The following HS3ST5 variants were observed in gnomAD, a reference collection of about 807,000 sequenced individuals.
HS3ST5 encodes the protein heparan sulfate glucosamine 3-O-sulfotransferase 5.
In HS3ST5, 10 loss-of-function variants were observed where a neutral mutation model predicts 25.4. The observed-to-expected ratio is 0.39, with a 90% confidence interval of 0.24 to 0.67. HS3ST5 has a LOEUF of 0.67. HS3ST5 is among the 30% of genes least tolerant of loss of function. HS3ST5 has a pLI of 0.44. For synonymous variants in HS3ST5, 170 were observed against 162.4 expected, an observed-to-expected ratio of 1.05 and a Z score of -0.36; for missense variants, 324 against 420.7, an observed-to-expected ratio of 0.77 and a Z score of 2.01.
chr6:114,309,736 T>C (rs1775452151), intron 1 of HS3ST5, among the ~76,000 whole-genome samples: 1 of 152,132 alleles, frequency 6.6e-6, no homozygotes, highest in Non-Finnish European at 1.5e-5. Context: ...CTGCTTTGTC[T>C]CAAAAACAAC....
At chr6:114,210,585 A>C (rs2114429791) in intron 2 of HS3ST5, among the ~76,000 whole-genome samples, 1 of 152,338 alleles carries the variant, frequency 6.6e-6, no homozygotes, top group African/African-American at 2.4e-5. Context: ...ATAGTCCATA[A>C]GAGCATGTAC....
At position 114,164,143 on chromosome 6, in the gene HS3ST5, AT is replaced by A. The variant is rs60677328; in HGVS notation, c.-33+4207del. On this transcript the variant is annotated intron_variant, in intron 3 of 4. Transcript: ENST00000312719. ...ATACTTTTAAAGTAAAATATGTAGG[AT>A]TTTTTTTGCTATTTCACTATCTTGC... 1.0e-2 allele frequency among the ~76,000 whole-genome samples: 364 copies of A among 36,574 alleles called. 4 individuals are homozygous for A. In the East Asian group the frequency reaches 0.11, roughly 11 times the overall value. 24.0% of individuals were successfully genotyped at this position (36,574 alleles called of 152,430 possible). A position where few individuals can be genotyped will look rare whatever the true frequency, so the allele number is the denominator to read the frequency against.
intron 1 of HS3ST5, among the ~76,000 whole-genome samples, chr6:114,265,580 G>T (rs1179333060): frequency 3.9e-5 from 6 of 152,142 alleles, no homozygotes; most frequent in African/African-American, 1.4e-4. Flanking sequence ...TGGGAAAACC[G>T]AAGGAGGCAA....
chr6:114,273,708 G>A (rs1434852753), intron 1 of HS3ST5, among the ~76,000 whole-genome samples: 1 of 151,972 alleles, frequency 6.6e-6, no homozygotes, highest in African/African-American at 2.4e-5. Context: ...ATGCCAATAG[G>A]TCAAATTGGA....
At chr6:114,192,698 A>G (rs9374441) in intron 2 of HS3ST5, among the ~76,000 whole-genome samples, 63,801 of 151,938 alleles carry the variant, frequency 0.42, 14,496 homozygotes, top group South Asian at 0.65. Flanking sequence ...TCAGAGGGAG[A>G]GCCACAGATT....
At chr6:114,179,658 T>G (rs1476287478) in intron 2 of HS3ST5, among the ~76,000 whole-genome samples, 1 of 149,294 alleles carries the variant, frequency 6.7e-6, no homozygotes, top group Non-Finnish European at 1.5e-5. Flanking sequence ...GTCAGGGTTT[T>G]TTTTTTTTTT....
At chr6:114,324,088 C>A (rs1334031214) in intron 1 of HS3ST5, among the ~76,000 whole-genome samples, 2 of 152,114 alleles carry the variant, frequency 1.3e-5, no homozygotes, top group African/African-American at 2.4e-5. Context: ...TACAACCTAA[C>A]AGAAAAACTG....
At chr6:114,305,553 G>A (rs1775253929) in intron 1 of HS3ST5, among the ~76,000 whole-genome samples, 1 of 151,086 alleles carries the variant, frequency 6.6e-6, no homozygotes, top group Non-Finnish European at 1.5e-5. Flanking sequence ...TTGTGCTTGG[G>A]TATGCAGTAA....
At chr6:114,195,432 TAA>T (rs1005121272) in intron 2 of HS3ST5, among the ~76,000 whole-genome samples, 1 of 151,856 alleles carries the variant, frequency 6.6e-6, no homozygotes, top group African/African-American at 2.4e-5. Flanking sequence ...TGTAAGCCAA[TAA>T]AGAGTGGTGA....
intron 1 of HS3ST5, among the ~76,000 whole-genome samples, chr6:114,333,257 T>C (rs1776476589): frequency 6.6e-6 from 1 of 152,192 alleles, no homozygotes; most frequent in African/African-American, 2.4e-5. Flanking sequence ...GATCTTGAGG[T>C]ACCTATGTTC....
At chr6:114,084,227 AC>A in intron 3 of HS3ST5, 2 of 1,097,622 alleles carry the variant, frequency 1.8e-6, no homozygotes, top group Non-Finnish European at 2.8e-6. Flanking sequence ...GGAGCTGCAG[AC>A]CAGTCTTCCG....
chr6:114,274,669 A>G (rs888673117), intron 1 of HS3ST5, among the ~76,000 whole-genome samples: 4 of 152,090 alleles, frequency 2.6e-5, no homozygotes, highest in Non-Finnish European at 4.4e-5. Flanking sequence ...TTAAGGATGC[A>G]GTACTTGAAA....
chr6:114,132,980 T>A (rs1777415943), intron 3 of HS3ST5, among the ~76,000 whole-genome samples: 1 of 152,156 alleles, frequency 6.6e-6, no homozygotes, highest in African/African-American at 2.4e-5. Flanking sequence ...GTCAACTTGA[T>A]CCCCAACCAA....
At chr6:114,129,982 G>GTAGTC (rs1431093513) in intron 3 of HS3ST5, among the ~76,000 whole-genome samples, 3 of 152,130 alleles carry the variant, frequency 2.0e-5, no homozygotes, top group African/African-American at 7.2e-5. Context: ...TAGAAATCAC[G>GTAGTC]TAGTCTACAC....
At chr6:114,255,493 G>A (rs555678947) in intron 1 of HS3ST5, among the ~76,000 whole-genome samples, 5 of 152,230 alleles carry the variant, frequency 3.3e-5, no homozygotes, top group African/African-American at 1.2e-4. Flanking sequence ...AGCTCCACTA[G>A]GCAGTGCCCC....
At chr6:114,226,753 T>C (rs185924276) in intron 2 of HS3ST5, among the ~76,000 whole-genome samples, 34 of 152,142 alleles carry the variant, frequency 2.2e-4, no homozygotes, top group Middle Eastern at 3.4e-3. Flanking sequence ...TGAAACTACA[T>C]TGTAAGTTTT....
chr6:114,334,858 G>A (rs553469692), intron 1 of HS3ST5, among the ~76,000 whole-genome samples: 36 of 152,212 alleles, frequency 2.4e-4, no homozygotes, highest in African/African-American at 7.5e-4. Context: ...TTTTAAAATC[G>A]ATTCAATTGT....
chr6:114,093,284 G>A (rs185265708), intron 3 of HS3ST5, among the ~76,000 whole-genome samples: 9 of 151,922 alleles, frequency 5.9e-5, no homozygotes, highest in African/African-American at 1.9e-4. Flanking sequence ...ATATGCACCT[G>A]CCTGTTCTCT....
At chr6:114,179,543 A>C (rs1779867398) in intron 2 of HS3ST5, among the ~76,000 whole-genome samples, 1 of 152,066 alleles carries the variant, frequency 6.6e-6, no homozygotes, top group African/African-American at 2.4e-5. Flanking sequence ...AAATTTACTT[A>C]CTATGCTAAA....
Sources: allele counts gnomAD v4.1 joint callset (sites outside exome capture counted in the v4.1 genomes callset), GRCh38; gene constraint gnomAD v4.1.1; transcripts MANE v1.5; gene names NCBI Gene and HGNC (gene_info 2026-07-23, HGNC 2026-07-21).